The following TANGO6 variants were observed in gnomAD, a reference collection of about 807,000 sequenced individuals.
TANGO6 encodes the protein transport and golgi organization 6 homolog, also known as transport and Golgi organization protein 6 homolog.
TANGO6 carries 90 observed loss-of-function variants against 114.2 expected under a neutral mutation model. That is an observed-to-expected ratio of 0.79 (90% confidence interval 0.66 to 0.94). The LOEUF (loss-of-function observed/expected upper bound fraction) is 0.94, where lower values mean the gene tolerates loss of function less well. Ranked by LOEUF, TANGO6 falls within the 40% of genes least tolerant of loss-of-function variation. The probability of loss-of-function intolerance (pLI) is 0.00; values close to 1 mark genes in which losing one functional copy is unlikely to be tolerated. For synonymous variants in TANGO6, 477 were observed against 509.8 expected, an observed-to-expected ratio of 0.94 and a Z score of 0.87; for missense variants, 1,274 against 1,315.3, an observed-to-expected ratio of 0.97 and a Z score of 0.49.
At chr16:68,884,348 A>T (rs755601381) in intron 7 of TANGO6, among the ~76,000 whole-genome samples, 22 of 152,210 alleles carry the variant, frequency 1.4e-4, no homozygotes, top group Non-Finnish European at 8.8e-5. Flanking sequence ...GAAAGATGAC[A>T]TGGTGACTAT....
chr16:69,032,802 G>A lies in TANGO6; in HGVS notation c.2995-7506G>A, dbSNP rs776657567. 7.3e-4 allele frequency among the ~76,000 whole-genome samples: 111 copies of A among 151,618 alleles called. 1 individual carries two copies. Among genetic ancestry groups the A allele is most frequent in the Non-Finnish European group, 1.2e-3 (83 of 67,906 alleles). Reference sequence around the variant, plus strand: ...CTGAGGCAGAGAACTGCTTGAACCCGGAGGCTGAGGTTGCAGTGGGCCAAG... The same window carrying A: ...CTGAGGCAGAGAACTGCTTGAACCCAGAGGCTGAGGTTGCAGTGGGCCAAG... On this transcript the variant is annotated intron_variant, in intron 16 of 17. Transcript: ENST00000261778.
At chr16:69,063,760 TC>T (rs1960167626) in intron 17 of TANGO6, among the ~76,000 whole-genome samples, 1 of 145,616 alleles carries the variant, frequency 6.9e-6, no homozygotes, top group African/African-American at 2.6e-5. Context: ...TGGTATTCAC[TC>T]TGGGCAGCGT....
chr16:68,861,932 G>A (rs1323356066), intron 2 of TANGO6, among the ~76,000 whole-genome samples: 2 of 152,112 alleles, frequency 1.3e-5, no homozygotes, highest in African/African-American at 4.8e-5. Context: ...GAGTTAAGAA[G>A]AGTAAGAGAG....
chr16:68,936,822 A>C (rs80184683), intron 14 of TANGO6, among the ~76,000 whole-genome samples: 18 of 151,828 alleles, frequency 1.2e-4, no homozygotes, highest in Non-Finnish European at 1.8e-4. Flanking sequence ...AAAAAAAAAA[A>C]CCACCTGGGC....
intron 1 of TANGO6, among the ~76,000 whole-genome samples, chr16:68,858,935 G>C (rs115949808): frequency 6.6e-6 from 1 of 152,120 alleles, no homozygotes; most frequent in Non-Finnish European, 1.5e-5. Context: ...GAAGTACATT[G>C]TTTAATTTCC....
At chr16:68,887,387 A>G (rs1474878906) in intron 7 of TANGO6, among the ~76,000 whole-genome samples, 1 of 152,206 alleles carries the variant, frequency 6.6e-6, no homozygotes, top group African/African-American at 2.4e-5. Context: ...TTTTCAGACC[A>G]TAGGAGAATT....
At chr16:68,954,521 A>G (rs1963506873) in intron 14 of TANGO6, among the ~76,000 whole-genome samples, 1 of 152,190 alleles carries the variant, frequency 6.6e-6, no homozygotes, top group Non-Finnish European at 1.5e-5. Context: ...AAAAGAAAAA[A>G]AAAGTTTTGA....
At chr16:68,962,839 T>TGG (rs1963606775) in intron 14 of TANGO6, among the ~76,000 whole-genome samples, 1 of 151,426 alleles carries the variant, frequency 6.6e-6, no homozygotes, top group Non-Finnish European at 1.5e-5. Context: ...CCCAGCACTT[T>TGG]GGGAGGTCGA....
intron 7 of TANGO6, among the ~76,000 whole-genome samples, chr16:68,899,841 C>T (rs1458629685): frequency 6.6e-6 from 1 of 152,066 alleles, no homozygotes; most frequent in Non-Finnish European, 1.5e-5. Context: ...TTAAACAATC[C>T]TCCCTCCATG....
chr16:68,870,236 A>G (rs1477577803), intron 4 of TANGO6, among the ~76,000 whole-genome samples: 1 of 152,192 alleles, frequency 6.6e-6, no homozygotes, highest in Non-Finnish European at 1.5e-5. Flanking sequence ...AGAGTTGCCA[A>G]AACTTAACGA....
At chr16:68,960,507 T>G (rs1963578594) in intron 14 of TANGO6, among the ~76,000 whole-genome samples, 2 of 151,788 alleles carry the variant, frequency 1.3e-5, no homozygotes, top group Admixed American at 1.3e-4. Flanking sequence ...TATTCTTATT[T>G]ATTTATTTTA....
chr16:68,905,534 CAAA>C (rs113940976), intron 9 of TANGO6, among the ~76,000 whole-genome samples: 3 of 111,620 alleles, frequency 2.7e-5, no homozygotes, highest in Admixed American at 1.9e-4. Context: ...AACTCTGTCT[CAAA>C]AAAAAAAAAA....
intron 14 of TANGO6, among the ~76,000 whole-genome samples, chr16:68,964,327 A>G (rs1963623266): frequency 6.6e-6 from 1 of 151,914 alleles, no homozygotes; most frequent in African/African-American, 2.4e-5. Flanking sequence ...TTACTAAAAG[A>G]TACAAAAATA....
intron 17 of TANGO6, among the ~76,000 whole-genome samples, chr16:69,077,563 G>A (rs1211280795): frequency 6.6e-6 from 1 of 152,168 alleles, no homozygotes; most frequent in Non-Finnish European, 1.5e-5. Flanking sequence ...GGTGGCTCAC[G>A]CCTGTAATCC....
chr16:68,846,690 A>G (rs533567942), intron 1 of TANGO6: 1 of 158,140 alleles, frequency 6.3e-6, no homozygotes, highest in East Asian at 2.1e-4. Context: ...TTTTTTTAGT[A>G]GAGACAGGTT....
chr16:68,954,006 G>A (rs981745302), intron 14 of TANGO6, among the ~76,000 whole-genome samples: 5 of 151,960 alleles, frequency 3.3e-5, no homozygotes, highest in African/African-American at 9.7e-5. Context: ...TTCGGAGGCC[G>A]AGGTGGGCGG....
At chr16:68,937,111 C>T (rs982819323) in intron 14 of TANGO6, 1 of 152,196 alleles carries the variant, frequency 6.6e-6, no homozygotes, top group African/African-American at 2.4e-5. Flanking sequence ...CAGATTTCTA[C>T]CTCAAATAAA....
At position 69,028,588 on chromosome 16, in the gene TANGO6, G is replaced by A. The variant is rs572669339; in HGVS notation, c.2994+5609G>A. 2.3e-3 allele frequency among the ~76,000 whole-genome samples: 347 copies of A among 152,062 alleles called. 3 individuals are homozygous for A. In the Middle Eastern group the frequency reaches 0.051, roughly 22 times the overall value. On this transcript the variant is annotated intron_variant, in intron 16 of 17. Transcript: ENST00000261778. The stretch of plus-strand genomic sequence containing the variant: ...GCGGAGTTTGCAGTGAGCTAAAACT[G>A]CGCCACTACACTCTAGTCTGGGTGA...
At chr16:68,862,023 A>AT (rs879855115) in intron 2 of TANGO6, among the ~76,000 whole-genome samples, 4,112 of 149,182 alleles carry the variant, frequency 0.028, 160 homozygotes, top group African/African-American at 0.095. Context: ...TTTTTTTTTA[A>AT]TTTTTTTTTT....
Sources: allele counts gnomAD v4.1 joint callset (sites outside exome capture counted in the v4.1 genomes callset), GRCh38; gene constraint gnomAD v4.1.1; transcripts MANE v1.5; gene names NCBI Gene and HGNC (gene_info 2026-07-23, HGNC 2026-07-21).